Variants in CMTM8 observed in about 807,000 individuals in gnomAD.
The protein encoded by CMTM8 is CKLF-like MARVEL transmembrane domain-containing protein 8.
A neutral mutation model predicts 18.6 loss-of-function variants in CMTM8; 12 were observed. The observed-to-expected ratio is 0.65, with a 90% CI of 0.41 to 1.05. CMTM8 has a LOEUF of 1.05. Ranked by LOEUF, CMTM8 falls within the 50% of genes least tolerant of loss-of-function variation. CMTM8 has a pLI of 0.00. For missense variants in CMTM8, 217 were observed against 227.2 expected (o/e 0.95, Z 0.29); for synonymous variants, 87 against 90.6 (o/e 0.96, Z 0.23).
At chr3:32,286,018 AT>A (rs1266531130) in intron 1 of CMTM8, among the ~76,000 whole-genome samples, 4 of 152,206 alleles carry the variant, frequency 2.6e-5, no homozygotes, top group African/African-American at 9.6e-5. Flanking sequence ...CGATGGGAGA[AT>A]TAAATGTGTA....
At chr3:32,248,691 G>GT (rs372816148) in intron 1 of CMTM8, among the ~76,000 whole-genome samples, 35 of 149,538 alleles carry the variant, frequency 2.3e-4, no homozygotes, top group East Asian at 1.4e-3. Flanking sequence ...AATTAAAAGT[G>GT]TTTTTTTTTA....
intron 2 of CMTM8, among the ~76,000 whole-genome samples, chr3:32,363,698 C>A (rs890518719): frequency 1.2e-4 from 19 of 152,154 alleles, no homozygotes; most frequent in Admixed American, 1.1e-3. Context: ...CTTATCATAT[C>A]TTCCTTCTTT....
intron 1 of CMTM8, among the ~76,000 whole-genome samples, chr3:32,352,988 G>C (rs1449614030): frequency 2.0e-5 from 3 of 151,794 alleles, no homozygotes; most frequent in Non-Finnish European, 4.4e-5. Flanking sequence ...TTTTTTGTTT[G>C]TTTGTGTTTT....
At chr3:32,275,666 T>TGG (rs1553603184) in intron 1 of CMTM8, among the ~76,000 whole-genome samples, 1,548 of 93,452 alleles carry the variant, frequency 0.017, 38 homozygotes, top group African/African-American at 0.044. Context: ...TTTTTTTTTT[T>TGG]GGGGACAGAG....
At chr3:32,338,141 G>C (rs957881013) in intron 1 of CMTM8, among the ~76,000 whole-genome samples, 3 of 151,838 alleles carry the variant, frequency 2.0e-5, no homozygotes. Flanking sequence ...GTGCCACCAC[G>C]CCCAGCTAAT....
At chr3:32,317,661 T>A (rs1258526496) in intron 1 of CMTM8, among the ~76,000 whole-genome samples, 3 of 152,070 alleles carry the variant, frequency 2.0e-5, no homozygotes, top group African/African-American at 7.2e-5. Context: ...TGCAGCACTG[T>A]TTGCAATAGG....
intron 1 of CMTM8, among the ~76,000 whole-genome samples, chr3:32,314,745 T>G (rs950015150): frequency 1.3e-5 from 2 of 151,972 alleles, no homozygotes; most frequent in African/African-American, 2.4e-5. Flanking sequence ...CCAAAGTGCT[T>G]GGACTGCAGG....
chr3:32,251,516 G>A (rs1575145669), intron 1 of CMTM8, among the ~76,000 whole-genome samples: 1 of 151,284 alleles, frequency 6.6e-6, no homozygotes, highest in East Asian at 2.0e-4. Flanking sequence ...GTTTTGCCAT[G>A]TTGCCCAGAT....
At chr3:32,290,113 CAAAAA>C (rs199969587) in intron 1 of CMTM8, among the ~76,000 whole-genome samples, 5,525 of 149,602 alleles carry the variant, frequency 0.037, 182 homozygotes, top group Admixed American at 0.12. Context: ...GACCCTGTCT[CAAAAA>C]AAAGAAAAGA....
intron 1 of CMTM8, among the ~76,000 whole-genome samples, chr3:32,301,306 C>T (rs1695611505): frequency 6.6e-6 from 1 of 151,794 alleles, no homozygotes; most frequent in Admixed American, 6.6e-5. Context: ...GAATCTTTAG[C>T]ATATGCATAC....
chr3:32,272,724 T>A (rs1166153975), intron 1 of CMTM8, among the ~76,000 whole-genome samples: 1 of 152,194 alleles, frequency 6.6e-6, no homozygotes, highest in Admixed American at 6.6e-5. Context: ...GAAAGGGACA[T>A]CTTTTCACCC....
At chr3:32,272,414 A>G (rs1702452814) in intron 1 of CMTM8, among the ~76,000 whole-genome samples, 2 of 152,154 alleles carry the variant, frequency 1.3e-5, no homozygotes, top group African/African-American at 2.4e-5. Flanking sequence ...TGTCTTTCCC[A>G]TTTTATTTCA....
At chr3:32,352,798 A>G (rs1696736872) in intron 1 of CMTM8, among the ~76,000 whole-genome samples, 1 of 151,782 alleles carries the variant, frequency 6.6e-6, no homozygotes, top group South Asian at 2.1e-4. Context: ...AACTTCCCCA[A>G]GCTGTTCACT....
At chr3:32,328,776 C>T (rs1696216688) in intron 1 of CMTM8, among the ~76,000 whole-genome samples, 1 of 151,962 alleles carries the variant, frequency 6.6e-6, no homozygotes. Context: ...TACGACCTAC[C>T]AAGACTGAAT....
chr3:32,256,463 A>G (rs1190554735), intron 1 of CMTM8, among the ~76,000 whole-genome samples: 1 of 152,036 alleles, frequency 6.6e-6, no homozygotes, highest in Non-Finnish European at 1.5e-5. Flanking sequence ...CCATTCATGA[A>G]TGTGCATTCC....
chr3:32,242,085 T>C (rs1166564148), intron 1 of CMTM8, among the ~76,000 whole-genome samples: 1 of 152,226 alleles, frequency 6.6e-6, no homozygotes, highest in Admixed American at 6.5e-5. Context: ...CTTTCCTGGG[T>C]TGGATCCTCT....
At chr3:32,325,585 T>C (rs1322852564) in intron 1 of CMTM8, among the ~76,000 whole-genome samples, 1 of 152,198 alleles carries the variant, frequency 6.6e-6, no homozygotes, top group African/African-American at 2.4e-5. Context: ...CTCTCAGGGG[T>C]CTTAAGGCGA....
At chr3:32,266,610 C>A (rs368807117) in intron 1 of CMTM8, among the ~76,000 whole-genome samples, 1 of 152,120 alleles carries the variant, frequency 6.6e-6, no homozygotes, top group South Asian at 2.1e-4. Context: ...CCAGGGCAAT[C>A]AGGCAGGAGA....
chr3:32,239,760 C>T (rs1399029994), intron 1 of CMTM8, among the ~76,000 whole-genome samples: 1 of 152,148 alleles, frequency 6.6e-6, no homozygotes, highest in African/African-American at 2.4e-5. Context: ...GTGATCTTCC[C>T]AGAAGTCCCA....
Sources: allele counts gnomAD v4.1 joint callset (sites outside exome capture counted in the v4.1 genomes callset), GRCh38; gene constraint gnomAD v4.1.1; transcripts MANE v1.5; gene names NCBI Gene and HGNC (gene_info 2026-07-23, HGNC 2026-07-21).